The following XIRP2 variants were observed in gnomAD, a reference collection of about 807,000 sequenced individuals.
The protein encoded by XIRP2 is xin actin-binding repeat-containing protein 2.
XIRP2 carries 236 observed loss-of-function variants against 277.0 expected under a neutral mutation model. The ratio of observed to expected loss-of-function variants is 0.85; its 90% CI spans 0.77 to 0.95. The LOEUF (loss-of-function observed/expected upper bound fraction) is 0.95, where lower values mean the gene tolerates loss of function less well. Ranked by LOEUF, XIRP2 falls within the 40% of genes least tolerant of loss-of-function variation. The pLI is 0.00. For synonymous variants in XIRP2, 1,490 were observed against 1,416.5 expected, an observed-to-expected ratio of 1.05 and a Z score of -1.17; for missense variants, 4,640 against 4,157.5, an observed-to-expected ratio of 1.12 and a Z score of -3.19.
At chr2:167,223,834 C>T (rs1573971745) in intron 5 of XIRP2, among the ~76,000 whole-genome samples, 1 of 152,074 alleles carries the variant, frequency 6.6e-6, no homozygotes. Flanking sequence ...CTTAAAGTAC[C>T]AGCACTCAAA....
In XIRP2 at chr2:167,248,265, T is replaced by C; in HGVS notation, c.6873T>C (p.Pro2291=). Residue 2291 remains proline (P), a synonymous_variant, in exon 9 of 11, where the codon CCT becomes CCC. Coordinates refer to ENST00000409195, the MANE Select transcript of XIRP2 (RefSeq NM_152381.6). ...AAGAAAGTGAGTGCCCCCTTCCACC[T>C]CCATCTCCACCTCCTCCACCACCTT... is the stretch of plus-strand genomic sequence containing the variant. ...NVKESECPLP[P]PSPPPPPPSN... 1 of 1,611,614 alleles carries C rather than the reference T, an allele frequency of 6.2e-7. No individual in the cohort carries two copies.
intron 2 of XIRP2, among the ~76,000 whole-genome samples, chr2:166,978,050 G>A (rs1285037020): frequency 6.6e-6 from 1 of 152,104 alleles, no homozygotes; most frequent in Non-Finnish European, 1.5e-5. Context: ...GTGTGATTGT[G>A]TTTATGTGTT....
At chr2:166,915,461 C>T (rs994333095) in intron 2 of XIRP2, among the ~76,000 whole-genome samples, 2 of 152,044 alleles carry the variant, frequency 1.3e-5, no homozygotes, top group Non-Finnish European at 2.9e-5. Context: ...GAACTTAACT[C>T]TGGTTGCCCA....
intron 2 of XIRP2, among the ~76,000 whole-genome samples, chr2:167,035,018 T>A (rs1413464182): frequency 6.6e-6 from 1 of 152,130 alleles, no homozygotes; most frequent in Non-Finnish European, 1.5e-5. Flanking sequence ...TCTTCCTCAT[T>A]CTCTCTTGCC....
At chr2:166,910,787 T>C (rs911286475) in intron 2 of XIRP2, among the ~76,000 whole-genome samples, 1 of 152,318 alleles carries the variant, frequency 6.6e-6, no homozygotes, top group Non-Finnish European at 1.5e-5. Flanking sequence ...GCTTTGAATG[T>C]GTCCCAGAGA....
intron 2 of XIRP2, among the ~76,000 whole-genome samples, chr2:166,935,875 G>A (rs183937628): frequency 5.3e-5 from 8 of 152,254 alleles, no homozygotes; most frequent in African/African-American, 1.7e-4. Context: ...ATAAACATAC[G>A]TGAGCATGTG....
intron 2 of XIRP2, among the ~76,000 whole-genome samples, chr2:167,022,844 C>T: frequency 6.6e-6 from 1 of 152,176 alleles, no homozygotes; most frequent in Non-Finnish European, 1.5e-5. Flanking sequence ...TTTCTTAATA[C>T]AGTCCATCAT....
chr2:167,176,203 C>T (rs1295233584), intron 3 of XIRP2, among the ~76,000 whole-genome samples: 1 of 152,146 alleles, frequency 6.6e-6, no homozygotes, highest in Non-Finnish European at 1.5e-5. Context: ...AGTGTCTGCC[C>T]AAACAGCTGC....
chr2:167,190,708 G>T (rs1347938370), intron 3 of XIRP2, among the ~76,000 whole-genome samples: 1 of 152,080 alleles, frequency 6.6e-6, no homozygotes, highest in East Asian at 1.9e-4. Context: ...GCAGGTTTTG[G>T]TTTCTTGAAA....
At chr2:166,896,732 A>G (rs574054631) in intron 1 of XIRP2, among the ~76,000 whole-genome samples, 3 of 152,308 alleles carry the variant, frequency 2.0e-5, no homozygotes, top group African/African-American at 4.8e-5. Flanking sequence ...TATAAAGTCT[A>G]CAGCAGGAGT....
chr2:167,257,372 A>G (rs1449797350), intron 10 of XIRP2, among the ~76,000 whole-genome samples: 1 of 151,926 alleles, frequency 6.6e-6, no homozygotes, highest in Non-Finnish European at 1.5e-5. Flanking sequence ...CCTGCCTCTG[A>G]CTAGAGTTCA....
chr2:167,029,201 C>A (rs1196645615), intron 2 of XIRP2, among the ~76,000 whole-genome samples: 1 of 151,970 alleles, frequency 6.6e-6, no homozygotes, highest in Non-Finnish European at 1.5e-5. Context: ...TGCTTTATTT[C>A]TTTCTGTTGC....
At chr2:166,921,510 A>G (rs1017311100) in intron 2 of XIRP2, among the ~76,000 whole-genome samples, 1 of 152,142 alleles carries the variant, frequency 6.6e-6, no homozygotes, top group Non-Finnish European at 1.5e-5. Flanking sequence ...CATAATTATT[A>G]AAAATACCCC....
At chr2:167,192,434 G>T (rs1424195270) in intron 3 of XIRP2, among the ~76,000 whole-genome samples, 1 of 152,134 alleles carries the variant, frequency 6.6e-6, no homozygotes, top group Non-Finnish European at 1.5e-5. Flanking sequence ...GTAAGCCATT[G>T]TGACAAATAA....
At chr2:167,144,644 A>G (rs1213456691) in intron 3 of XIRP2, among the ~76,000 whole-genome samples, 3 of 152,148 alleles carry the variant, frequency 2.0e-5, no homozygotes, top group Non-Finnish European at 4.4e-5. Flanking sequence ...ATTGCTTTCC[A>G]TACACTTCAG....
intron 2 of XIRP2, among the ~76,000 whole-genome samples, chr2:167,109,283 C>T (rs1331839184): frequency 2.6e-5 from 4 of 151,816 alleles, no homozygotes; most frequent in Non-Finnish European, 5.9e-5. Context: ...TTCTCCTTCT[C>T]CTTCTCCTTC....
intron 3 of XIRP2, among the ~76,000 whole-genome samples, chr2:167,142,583 GAGAA>G (rs1313492955): frequency 6.6e-6 from 1 of 151,832 alleles, no homozygotes; most frequent in African/African-American, 2.4e-5. Flanking sequence ...AAAAAAAAGA[GAGAA>G]AGAAAGGTAC....
intron 2 of XIRP2, among the ~76,000 whole-genome samples, chr2:167,014,705 G>T (rs1440702900): frequency 6.6e-6 from 1 of 151,802 alleles, no homozygotes; most frequent in African/African-American, 2.4e-5. Flanking sequence ...CTCATGAAAT[G>T]TTGAGCAGAA....
At chr2:167,172,434 G>A (rs1360316349) in intron 3 of XIRP2, among the ~76,000 whole-genome samples, 1 of 152,162 alleles carries the variant, frequency 6.6e-6, no homozygotes, top group Non-Finnish European at 1.5e-5. Flanking sequence ...CAAGCAGTCT[G>A]ACCAAAATTT....
Sources: allele counts gnomAD v4.1 joint callset (sites outside exome capture counted in the v4.1 genomes callset), GRCh38; gene constraint gnomAD v4.1.1; transcripts MANE v1.5; gene names NCBI Gene and HGNC (gene_info 2026-07-23, HGNC 2026-07-21).